The following SLC4A10 variants were observed in gnomAD, a reference collection of about 807,000 sequenced individuals.
SLC4A10 encodes solute carrier family 4 member 10.
Under a neutral mutation model 137.7 loss-of-function variants are expected in SLC4A10, and 42 were observed. That is an observed-to-expected ratio of 0.30 (90% CI 0.24 to 0.39). The LOEUF (loss-of-function observed/expected upper bound fraction) is 0.39. Among genes scored for constraint, SLC4A10 ranks in the 10% least tolerant of loss-of-function variants. The pLI is 1.00. For missense variants in SLC4A10, 925 were observed against 1,355.0 expected (o/e 0.68, Z 4.98); for synonymous variants, 474 against 464.1 (o/e 1.02, Z -0.27).
intron 2 of SLC4A10, among the ~76,000 whole-genome samples, chr2:161,783,336 A>G (rs2053260691): frequency 6.6e-6 from 1 of 151,928 alleles, no homozygotes; most frequent in East Asian, 1.9e-4. Context: ...GTTCATCACC[A>G]CCAGACCTCC....
At chr2:161,742,219 T>C (rs2047965348) in intron 1 of SLC4A10, among the ~76,000 whole-genome samples, 1 of 152,182 alleles carries the variant, frequency 6.6e-6, no homozygotes, top group Non-Finnish European at 1.5e-5. Flanking sequence ...CTTTATCCAG[T>C]CATCTGTTGA....
chr2:161,827,225 C>T (rs2058075178), intron 3 of SLC4A10, among the ~76,000 whole-genome samples: 1 of 152,158 alleles, frequency 6.6e-6, no homozygotes, highest in Non-Finnish European at 1.5e-5. Flanking sequence ...GAGTCATCAT[C>T]ATCATTGTAA....
intron 1 of SLC4A10, among the ~76,000 whole-genome samples, chr2:161,714,564 G>A (rs189421205): frequency 6.6e-6 from 1 of 151,840 alleles, no homozygotes; most frequent in Non-Finnish European, 1.5e-5. Flanking sequence ...ATGATGTGTG[G>A]CGTGTAAATG....
intron 1 of SLC4A10, among the ~76,000 whole-genome samples, chr2:161,719,714 C>T (rs996425745): frequency 2.6e-5 from 4 of 152,100 alleles, no homozygotes; most frequent in Admixed American, 6.5e-5. Flanking sequence ...TGAGAAATGT[C>T]TGTTCATATC....
rs557675692 is a variant in SLC4A10, at chr2:161,794,814, A to G, written c.131-9635A>G. Among the ~76,000 whole-genome samples the G allele has an allele frequency of 2.0e-5, 3 of 152,224 alleles. No individual in the cohort carries two copies. The South Asian group carries it at 6.2e-4, about 32-fold the overall frequency. On this transcript the variant is annotated intron_variant, in intron 2 of 26. Coordinates refer to ENST00000446997, the MANE Select transcript of SLC4A10 (RefSeq NM_001178015.2). The stretch of plus-strand genomic sequence containing the variant: ...ATTCTTTCCCTATGGCCAATTTTAT[A>G]CCACTGAGGTGTTTTCCCTGAACAT...
intron 2 of SLC4A10, among the ~76,000 whole-genome samples, chr2:161,790,848 G>A (rs1485749181): frequency 6.6e-6 from 1 of 151,948 alleles, no homozygotes; most frequent in Non-Finnish European, 1.5e-5. Flanking sequence ...ACATACATGC[G>A]GCTGACATAG....
chr2:161,816,928 C>T (rs868820559), intron 3 of SLC4A10, among the ~76,000 whole-genome samples: 16 of 152,114 alleles, frequency 1.1e-4, no homozygotes, highest in East Asian at 1.9e-4. Flanking sequence ...TGAATAGTGC[C>T]GCAATAAACA....
intron 10 of SLC4A10, among the ~76,000 whole-genome samples, chr2:161,883,673 G>A (rs1340469613): frequency 6.6e-6 from 1 of 152,124 alleles, no homozygotes; most frequent in Non-Finnish European, 1.5e-5. Flanking sequence ...GTCTCTAGGG[G>A]AGGATCCTTC....
At chr2:161,837,244 G>A (rs1277760040) in intron 3 of SLC4A10, among the ~76,000 whole-genome samples, 1 of 152,076 alleles carries the variant, frequency 6.6e-6, no homozygotes, top group African/African-American at 2.4e-5. Context: ...TAATAAGTAA[G>A]TTTAATAAGG....
chr2:161,896,441 A>T (rs906586463), intron 11 of SLC4A10, among the ~76,000 whole-genome samples: 22 of 152,126 alleles, frequency 1.4e-4, no homozygotes, highest in African/African-American at 5.3e-4. Context: ...TTTTTTTCCA[A>T]TTCTGTGAAG....
At chr2:161,829,656 T>G (rs2058294823) in intron 3 of SLC4A10, among the ~76,000 whole-genome samples, 1 of 152,230 alleles carries the variant, frequency 6.6e-6, no homozygotes, top group African/African-American at 2.4e-5. Context: ...TCATGTTCTG[T>G]AAATATATTA....
chr2:161,625,505 C>G (rs1307923985), intron 1 of SLC4A10, among the ~76,000 whole-genome samples: 4 of 152,104 alleles, frequency 2.6e-5, no homozygotes, highest in African/African-American at 9.7e-5. Context: ...GAAATCCCCT[C>G]CCTGCACCAA....
chr2:161,920,682 G>T (rs1414989066), intron 15 of SLC4A10, among the ~76,000 whole-genome samples: 1 of 152,106 alleles, frequency 6.6e-6, no homozygotes, highest in South Asian at 2.1e-4. Context: ...TGGGGGAGGT[G>T]GTGCTCTTCA....
chr2:161,665,927 T>C (rs944168713), intron 1 of SLC4A10, among the ~76,000 whole-genome samples: 5 of 148,320 alleles, frequency 3.4e-5, no homozygotes, highest in Non-Finnish European at 4.5e-5. Flanking sequence ...ACCCTATATA[T>C]AGACTACATT....
At chr2:161,895,488 A>C (rs1161246961) in intron 11 of SLC4A10, among the ~76,000 whole-genome samples, 1 of 152,142 alleles carries the variant, frequency 6.6e-6, no homozygotes, top group Non-Finnish European at 1.5e-5. Context: ...GAATCGCCAC[A>C]CTGACTTCCA....
chr2:161,771,197 T>C (rs1037427191), intron 2 of SLC4A10, 143 bp downstream of exon 2: 4 of 624,212 alleles, frequency 6.4e-6, no homozygotes, highest in South Asian at 2.0e-5. Context: ...CATCTGATTG[T>C]TTTGGTACAG....
intron 8 of SLC4A10, among the ~76,000 whole-genome samples, chr2:161,875,753 G>C (rs1009069817): frequency 6.6e-6 from 1 of 152,170 alleles, no homozygotes; most frequent in African/African-American, 2.4e-5. Context: ...ATTAGAGAGA[G>C]TTGTATTATT....
intron 1 of SLC4A10, among the ~76,000 whole-genome samples, chr2:161,679,559 C>T (rs1052388831): frequency 6.6e-6 from 1 of 151,982 alleles, no homozygotes; most frequent in African/African-American, 2.4e-5. Context: ...TAGTGTTCCT[C>T]AAGTTACCTT....
intron 6 of SLC4A10, among the ~76,000 whole-genome samples, chr2:161,868,802 C>T (rs1182867731): frequency 6.6e-6 from 1 of 151,556 alleles, no homozygotes; most frequent in Non-Finnish European, 1.5e-5. Context: ...TTAGTGATAT[C>T]TACTTTTCAT....
Sources: allele counts gnomAD v4.1 joint callset (sites outside exome capture counted in the v4.1 genomes callset), GRCh38; gene constraint gnomAD v4.1.1; transcripts MANE v1.5; gene names NCBI Gene and HGNC (gene_info 2026-07-23, HGNC 2026-07-21).